PRMT3: variants seen among roughly 807,000 people sequenced by gnomAD.
PRMT3 encodes protein arginine N-methyltransferase 3.
In PRMT3, 62 loss-of-function variants were observed where a neutral mutation model predicts 71.9. The observed-to-expected ratio is 0.86, with a 90% CI of 0.70 to 1.07. The LOEUF is 1.07. Ranked by LOEUF, PRMT3 falls within the 50% of genes least tolerant of loss-of-function variation. The pLI, the probability that PRMT3 is intolerant of heterozygous loss-of-function variation, is 0.00. For synonymous variants in PRMT3, 213 were observed against 220.4 expected (o/e 0.97, Z 0.30); for missense variants, 663 against 643.0 (o/e 1.03, Z -0.34).
rs11821018 is a variant in PRMT3, at chr11:20,502,582, T to C, written c.1487-5722T>C. On this transcript the variant is annotated intron_variant, in intron 15 of 15. Transcript: ENST00000331079. ...CATTACTAATTCATTTTGACTGGGGTTTTTTATTTCTAAACTGAGGAATGC... is the reference window on the plus strand; with the variant it reads ...CATTACTAATTCATTTTGACTGGGGCTTTTTATTTCTAAACTGAGGAATGC... 7.1e-3 allele frequency among the ~76,000 whole-genome samples: 1,076 copies of C among 152,230 alleles called. 16 individuals are homozygous for C. Among genetic ancestry groups the C allele is most frequent in the African/African-American group, 0.025 (1,021 of 41,526 alleles).
intron 15 of PRMT3, among the ~76,000 whole-genome samples, chr11:20,502,940 G>A (rs116661685): frequency 0.03 from 4,550 of 152,020 alleles, 231 homozygotes; most frequent in African/African-American, 0.1. Context: ...GAGCAATCAC[G>A]TTTTGGTTGT....
At chr11:20,401,253 CTG>C (rs1215550178) in intron 7 of PRMT3, among the ~76,000 whole-genome samples, 3 of 152,028 alleles carry the variant, frequency 2.0e-5, no homozygotes, top group East Asian at 1.9e-4. Context: ...GATGTTCACT[CTG>C]TGTAAGTTTT....
intron 15 of PRMT3, among the ~76,000 whole-genome samples, chr11:20,507,998 C>T (rs1851633798): frequency 6.6e-6 from 1 of 151,418 alleles, no homozygotes; most frequent in African/African-American, 2.4e-5. Context: ...CCCAGCTATT[C>T]GGGAAGCTGA....
At chr11:20,390,822 G>A (rs531096784) in intron 3 of PRMT3, among the ~76,000 whole-genome samples, 8 of 152,080 alleles carry the variant, frequency 5.3e-5, no homozygotes, top group Non-Finnish European at 8.8e-5. Context: ...AGGCCAAGGC[G>A]GATGGATCAC....
At chr11:20,429,982 T>C (rs1849621638) in intron 10 of PRMT3, among the ~76,000 whole-genome samples, 1 of 152,104 alleles carries the variant, frequency 6.6e-6, no homozygotes, top group South Asian at 2.1e-4. Context: ...AAAACATCAA[T>C]TACATAATTA....
intron 9 of PRMT3, among the ~76,000 whole-genome samples, chr11:20,421,887 T>C (rs1177014281): frequency 6.6e-6 from 1 of 152,220 alleles, no homozygotes; most frequent in Non-Finnish European, 1.5e-5. Flanking sequence ...AGTTGCTAAT[T>C]TCTACATACA....
chr11:20,404,240 T>TGTTTTG (rs755736677), intron 8 of PRMT3, among the ~76,000 whole-genome samples: 51 of 121,948 alleles, frequency 4.2e-4, no homozygotes, highest in East Asian at 1.4e-3. Flanking sequence ...TTTTTTTTTT[T>TGTTTTG]TTTTTTTTTT....
intron 9 of PRMT3, among the ~76,000 whole-genome samples, chr11:20,410,789 G>A (rs2133327675): frequency 6.6e-6 from 1 of 152,118 alleles, no homozygotes; most frequent in African/African-American, 2.4e-5. Flanking sequence ...GCATCTATTA[G>A]TATTTTTTCT....
intron 9 of PRMT3, among the ~76,000 whole-genome samples, chr11:20,411,028 ATAACT>A (rs1443650258): frequency 7.2e-5 from 11 of 152,132 alleles, no homozygotes; most frequent in African/African-American, 2.4e-4. Context: ...TGTTTTTGAG[ATAACT>A]TAAAGTTAAC....
chr11:20,490,512 C>T (rs1851181493), intron 13 of PRMT3, among the ~76,000 whole-genome samples: 1 of 151,366 alleles, frequency 6.6e-6, no homozygotes, highest in African/African-American at 2.5e-5. Flanking sequence ...CGTGGTGGCT[C>T]ACACCTGTAA....
intron 6 of PRMT3, among the ~76,000 whole-genome samples, chr11:20,396,316 A>G (rs1198746842): frequency 6.6e-6 from 1 of 152,060 alleles, no homozygotes; most frequent in East Asian, 1.9e-4. Context: ...TTTGGGGAAA[A>G]TACAGGGTTG....
chr11:20,388,220 G>A, intron 2 of PRMT3, 66 bp downstream of exon 2: 1 of 1,602,646 alleles, frequency 6.2e-7, no homozygotes, highest in Non-Finnish European at 8.5e-7. Flanking sequence ...TGTGTGCCCA[G>A]GAACGCCTTC....
chr11:20,499,820 C>T (rs1851416113), intron 15 of PRMT3, among the ~76,000 whole-genome samples: 1 of 152,068 alleles, frequency 6.6e-6, no homozygotes, highest in Admixed American at 6.6e-5. Flanking sequence ...ATGCTGCCTC[C>T]AGGAAGCACA....
intron 9 of PRMT3, among the ~76,000 whole-genome samples, chr11:20,423,521 C>A (rs1040112011): frequency 2.0e-5 from 3 of 152,084 alleles, no homozygotes; most frequent in Non-Finnish European, 4.4e-5. Context: ...GATCATATGT[C>A]CTGCAAGTCT....
At position 20,494,320 on chromosome 11, in the gene PRMT3, ACAGC is replaced by A. The variant is rs1313538555; in HGVS notation, c.1486+69_1486+72del. 15 of 1,328,364 alleles carry A rather than the reference ACAGC, an allele frequency of 1.1e-5. No individual in the cohort carries two copies. The Middle Eastern group carries it at 2.0e-3, about 180-fold the overall frequency. 82.3% of individuals were successfully genotyped at this position (1,328,364 alleles called of 1,614,324 possible). On this transcript the variant is annotated intron_variant, in intron 15 of 15. Coordinates refer to ENST00000331079, the MANE Select transcript of PRMT3 (RefSeq NM_005788.4). ...GAAGTAAATGATATTCATTCATTTTACAGCCACTTTTTATGTGCACACTATATTT... is the reference window on the plus strand; with the variant it reads ...GAAGTAAATGATATTCATTCATTTTACACTTTTTATGTGCACACTATATTT...
At chr11:20,467,759 A>T (rs927746176) in intron 13 of PRMT3, among the ~76,000 whole-genome samples, 1 of 152,220 alleles carries the variant, frequency 6.6e-6, no homozygotes, top group South Asian at 2.1e-4. Flanking sequence ...TTGGTTAAGC[A>T]TCTACATTTC....
intron 7 of PRMT3, among the ~76,000 whole-genome samples, chr11:20,399,633 T>C (rs1848905820): frequency 6.6e-6 from 1 of 152,170 alleles, no homozygotes; most frequent in Admixed American, 6.5e-5. Context: ...ATTCCTTTGG[T>C]ATGGAAATTG....
chr11:20,415,461 A>G (rs1182643776), intron 9 of PRMT3, among the ~76,000 whole-genome samples: 1 of 152,192 alleles, frequency 6.6e-6, no homozygotes, highest in Non-Finnish European at 1.5e-5. Context: ...AAAAGGGTAT[A>G]GTGCAGAAAC....
At chr11:20,410,083 A>C (rs919664910) in intron 9 of PRMT3, among the ~76,000 whole-genome samples, 9 of 152,160 alleles carry the variant, frequency 5.9e-5, no homozygotes, top group African/African-American at 2.2e-4. Flanking sequence ...TAAAGGAATT[A>C]TAATACATTG....
Sources: gnomAD v4.1 joint callset for allele counts (sites outside exome capture counted in the v4.1 genomes callset) on GRCh38, gnomAD v4.1.1 for gene constraint, MANE v1.5 for transcripts, NCBI Gene and HGNC (gene_info 2026-07-23, HGNC 2026-07-21) for gene names.